The following P3H2 variants were observed in gnomAD, a reference collection of about 807,000 sequenced individuals.
The protein encoded by P3H2 is leprecan-like 1.
In P3H2, 80 loss-of-function variants were observed where a neutral mutation model predicts 87.0. That is an observed-to-expected ratio of 0.92 (90% CI 0.77 to 1.11). The LOEUF is 1.11. Ranked by LOEUF, P3H2 falls within the 50% of genes least tolerant of loss-of-function variation. The pLI, the probability that P3H2 is intolerant of heterozygous loss-of-function variation, is 0.00. For missense variants in P3H2, 1,001 were observed against 923.9 expected (o/e 1.08, Z -1.08); for synonymous variants, 367 against 359.3 (o/e 1.02, Z -0.24).
chr3:190,118,147 T>C (rs1712369431), intron 1 of P3H2, among the ~76,000 whole-genome samples: 1 of 152,084 alleles, frequency 6.6e-6, no homozygotes, highest in Non-Finnish European at 1.5e-5. Context: ...GGAGGGGAAA[T>C]GACTGACAAA....
intron 1 of P3H2, among the ~76,000 whole-genome samples, chr3:190,058,475 G>A (rs1056921778): frequency 1.3e-5 from 2 of 152,166 alleles, no homozygotes; most frequent in African/African-American, 2.4e-5. Flanking sequence ...ATGGGTCAAA[G>A]TTGTAAAATG....
rs200350270 is a variant in P3H2 at position 190,108,852 on chromosome 3, GT to G, written c.480+11399del. Among the ~76,000 whole-genome samples the G allele has an allele frequency of 4.7e-4, 71 of 152,098 alleles. No individual in the cohort carries two copies. The East Asian group carries it at 0.011, about 23-fold the overall frequency. On this transcript the variant is annotated intron_variant, in intron 1 of 14. Transcript: ENST00000319332. ...TTTGAGATCTTTCTCGTTTGTTTTT[GT>G]TTTTTTAGAGGGGAATTATGTCATT...
intron 1 of P3H2, among the ~76,000 whole-genome samples, chr3:190,044,297 C>G (rs747647696): frequency 6.6e-6 from 1 of 152,144 alleles, no homozygotes; most frequent in Non-Finnish European, 1.5e-5. Context: ...TAACACATGA[C>G]ACATTAGTTT....
chr3:190,082,413 A>G (rs1727073115), intron 1 of P3H2, among the ~76,000 whole-genome samples: 1 of 152,166 alleles, frequency 6.6e-6, no homozygotes, highest in African/African-American at 2.4e-5. Flanking sequence ...AATAATGCCC[A>G]CCCAAAGATT....
At chr3:190,034,678 G>A (rs933195545) in intron 1 of P3H2, among the ~76,000 whole-genome samples, 3 of 152,098 alleles carry the variant, frequency 2.0e-5, no homozygotes, top group Non-Finnish European at 4.4e-5. Context: ...GGGTGGTGAC[G>A]TAACTGCTCT....
chr3:190,031,537 T>C (rs1725252862), intron 1 of P3H2, among the ~76,000 whole-genome samples: 2 of 151,966 alleles, frequency 1.3e-5, no homozygotes, highest in Admixed American at 1.3e-4. Context: ...CTTGGGAGGC[T>C]GAGGCAGGAG....
At chr3:190,077,878 CT>C (rs966745126) in intron 1 of P3H2, among the ~76,000 whole-genome samples, 1 of 150,898 alleles carries the variant, frequency 6.6e-6, no homozygotes, top group Non-Finnish European at 1.5e-5. Context: ...CAAATTTCAA[CT>C]TGTACCAGAG....
chr3:189,962,158 C>CTTATTT (rs1341368224), intron 14 of P3H2, among the ~76,000 whole-genome samples: 1 of 66,672 alleles, frequency 1.5e-5, no homozygotes, highest in Admixed American at 1.8e-4. Context: ...TTTTCTTCTT[C>CTTATTT]TTCTTTTTTT....
chr3:190,076,293 G>T (rs552837658), intron 1 of P3H2, among the ~76,000 whole-genome samples: 1 of 152,218 alleles, frequency 6.6e-6, no homozygotes, highest in Non-Finnish European at 1.5e-5. Context: ...AGGGCCAAGT[G>T]CTCCCTGCTT....
At chr3:190,080,511 C>T (rs1348662340) in intron 1 of P3H2, among the ~76,000 whole-genome samples, 2 of 151,474 alleles carry the variant, frequency 1.3e-5, no homozygotes, top group Non-Finnish European at 3.0e-5. Context: ...AGTGATTCTC[C>T]TGCTTCAGCC....
At chr3:190,056,662 A>C (rs1470794564) in intron 1 of P3H2, among the ~76,000 whole-genome samples, 1 of 152,184 alleles carries the variant, frequency 6.6e-6, no homozygotes, top group African/African-American at 2.4e-5. Flanking sequence ...GGTCCATAGA[A>C]ATGACAGAGA....
chr3:189,969,832 C>T lies in P3H2; in HGVS notation c.1893+984G>A, dbSNP rs912438456. On this transcript the variant is annotated intron_variant, in intron 13 of 14. Transcript: ENST00000319332. ...CTGTTCCACCAATTATTCCAATCTT[C>T]ATGGCAGTGGTGGTGGTGCTTGAGG... 1.1e-5 allele frequency: 18 copies of T among 1,572,184 alleles called. No individual in the cohort carries two copies. The African/African-American group carries it at 2.4e-4, about 21-fold the overall frequency.
At chr3:190,075,697 C>T (rs912104524) in intron 1 of P3H2, among the ~76,000 whole-genome samples, 2 of 151,768 alleles carry the variant, frequency 1.3e-5, no homozygotes, top group Non-Finnish European at 2.9e-5. Flanking sequence ...GAGGGAGAAA[C>T]ATCAAGAAAG....
chr3:190,061,320 A>G (rs1726324990), intron 1 of P3H2, among the ~76,000 whole-genome samples: 1 of 152,112 alleles, frequency 6.6e-6, no homozygotes, highest in African/African-American at 2.4e-5. Context: ...ACTGACAACC[A>G]TTAAAACACA....
chr3:190,049,030 CGTGA>C, intron 1 of P3H2, among the ~76,000 whole-genome samples: 1 of 152,180 alleles, frequency 6.6e-6, no homozygotes, highest in South Asian at 2.1e-4. Flanking sequence ...TCACAGAAGA[CGTGA>C]GTAAGGGCAC....
In P3H2 at chr3:190,028,731, A is replaced by C. The variant is rs548714957; in HGVS notation, c.481-33289T>G. ...TTTTAATAATTGTTTGAATGGAGAC[A>C]CTCTATGTTTTACAATGATTTTATT... On this transcript the variant is annotated intron_variant, in intron 1 of 14. Transcript: ENST00000319332. Among the ~76,000 whole-genome samples the C allele has an allele frequency of 2.2e-4, 33 of 152,198 alleles. No individual in the cohort carries two copies. In the East Asian group the frequency reaches 5.4e-3, roughly 25 times the overall value.
intron 1 of P3H2, among the ~76,000 whole-genome samples, chr3:190,030,512 T>C (rs1725219801): frequency 6.6e-6 from 1 of 152,166 alleles, no homozygotes; most frequent in Admixed American, 6.5e-5. Flanking sequence ...GCTATAATTG[T>C]GCCACTTCAC....
rs117000750 is a variant in P3H2 at position 190,017,515 on chromosome 3, C to G, written c.481-22073G>C. Among the ~76,000 whole-genome samples the G allele has an allele frequency of 1.1e-3, 169 of 152,250 alleles. 2 individuals are homozygous for G. In the East Asian group the frequency reaches 0.02, roughly 18 times the overall value. On this transcript the variant is annotated intron_variant, in intron 1 of 14. Coordinates refer to ENST00000319332, the MANE Select transcript of P3H2 (RefSeq NM_018192.4). Reference sequence around the variant, plus strand: ...ATTTGACTCCTGACAATAACAAAAGCAAGTCCTGAAGACAGCTTGCATAAT... The same window carrying G: ...ATTTGACTCCTGACAATAACAAAAGGAAGTCCTGAAGACAGCTTGCATAAT...
In P3H2 at chr3:190,030,532, G is replaced by A. The variant is rs575224093; in HGVS notation, c.481-35090C>T. Among the ~76,000 whole-genome samples the A allele has an allele frequency of 3.3e-5, 5 of 152,198 alleles. No individual in the cohort carries two copies. The East Asian group carries it at 7.7e-4, about 23-fold the overall frequency. On this transcript the variant is annotated intron_variant, in intron 1 of 14. Transcript: ENST00000319332. ...AATTGTGCCACTTCACTCCAGCCTC[G>A]GCAAGAGAGTGAGACCCTGTCTCAA...
Sources: allele counts gnomAD v4.1 joint callset (sites outside exome capture counted in the v4.1 genomes callset), GRCh38; gene constraint gnomAD v4.1.1; transcripts MANE v1.5; gene names NCBI Gene and HGNC (gene_info 2026-07-23, HGNC 2026-07-21).